Variants in ARHGEF28 observed in about 807,000 individuals in gnomAD.
ARHGEF28 encodes the protein 190 kDa guanine nucleotide exchange factor.
A neutral mutation model predicts 206.6 loss-of-function variants in ARHGEF28; 152 were observed. That is an observed-to-expected ratio of 0.74 (90% confidence interval 0.64 to 0.84). The LOEUF (loss-of-function observed/expected upper bound fraction) is 0.84. Among genes scored for constraint, ARHGEF28 ranks in the 40% least tolerant of loss-of-function variants. The pLI is 0.00. For synonymous variants in ARHGEF28, 763 were observed against 776.4 expected (o/e 0.98, Z 0.29); for missense variants, 2,028 against 2,073.2 (o/e 0.98, Z 0.42).
At chr5:73,893,702 T>C (rs766559870) in intron 28 of ARHGEF28, among the ~76,000 whole-genome samples, 1 of 152,146 alleles carries the variant, frequency 6.6e-6, no homozygotes, top group Admixed American at 6.5e-5. Flanking sequence ...TCTACTCTGG[T>C]TGGACACTGG....
chr5:73,896,920 C>T (rs937836133), intron 29 of ARHGEF28, among the ~76,000 whole-genome samples: 8 of 152,224 alleles, frequency 5.3e-5, no homozygotes, highest in African/African-American at 1.2e-4. Context: ...CTGCGTGAGC[C>T]GCAGTTGGAT....
chr5:73,678,730 A>G (rs1746864389), intron 1 of ARHGEF28, among the ~76,000 whole-genome samples: 1 of 152,198 alleles, frequency 6.6e-6, no homozygotes, highest in Admixed American at 6.5e-5. Flanking sequence ...AAATACTTAT[A>G]GCTTGACAAC....
At chr5:73,719,405 C>T (rs1226300092) in intron 2 of ARHGEF28, among the ~76,000 whole-genome samples, 2 of 135,526 alleles carry the variant, frequency 1.5e-5, no homozygotes, top group African/African-American at 6.2e-5. Flanking sequence ...AGGGAGACTC[C>T]GTCTCAGAAA....
intron 7 of ARHGEF28, among the ~76,000 whole-genome samples, chr5:73,784,319 T>C (rs1754023713): frequency 6.6e-6 from 1 of 152,204 alleles, no homozygotes; most frequent in African/African-American, 2.4e-5. Context: ...TTGCTGTCTC[T>C]GTGAGTGTGA....
chr5:73,787,613 G>A (rs1754240905), intron 7 of ARHGEF28, among the ~76,000 whole-genome samples: 1 of 152,146 alleles, frequency 6.6e-6, no homozygotes, highest in Admixed American at 6.6e-5. Flanking sequence ...CCACTTACGA[G>A]TGAGAACTTG....
intron 7 of ARHGEF28, among the ~76,000 whole-genome samples, chr5:73,793,538 A>G (rs1754610764): frequency 6.6e-6 from 1 of 152,210 alleles, no homozygotes; most frequent in Admixed American, 6.5e-5. Context: ...ATTAGCATAA[A>G]GCAGGGCTGT....
chr5:73,801,460 A>AATAAAAAAT (rs1755131312), intron 9 of ARHGEF28, among the ~76,000 whole-genome samples: 1 of 152,050 alleles, frequency 6.6e-6, no homozygotes, highest in Admixed American at 6.6e-5. Context: ...AAATAAAAAA[A>AATAAAAAAT]ATAAAAAAAT....
intron 2 of ARHGEF28, among the ~76,000 whole-genome samples, chr5:73,737,522 C>CTTTTCTTTTCTTTTGTTTTT (rs1580546282): frequency 8.3e-6 from 1 of 120,768 alleles, no homozygotes; most frequent in Non-Finnish European, 1.7e-5. Flanking sequence ...CTTTTCTTTT[C>CTTTTCTTTTCTTTTGTTTTT]TTTTTTGTGA....
chr5:73,807,151 A>G (rs1755561919), intron 9 of ARHGEF28, among the ~76,000 whole-genome samples: 1 of 150,412 alleles, frequency 6.6e-6, no homozygotes, highest in African/African-American at 2.4e-5. Flanking sequence ...TCCTTAGGCT[A>G]TACCAGGAAC....
chr5:73,921,472 ATAAG>A (rs1554031108), intron 35 of ARHGEF28, among the ~76,000 whole-genome samples: 1 of 151,590 alleles, frequency 6.6e-6, no homozygotes, highest in Non-Finnish European at 1.5e-5. Context: ...CTCTTTCTGG[ATAAG>A]ATATTAATTC....
At chr5:73,688,666 G>A (rs1297934526) in intron 2 of ARHGEF28, among the ~76,000 whole-genome samples, 1 of 151,980 alleles carries the variant, frequency 6.6e-6, no homozygotes, top group Non-Finnish European at 1.5e-5. Flanking sequence ...ATTCTGGAAG[G>A]CTTTTTTTTG....
chr5:73,772,812 C>T (rs1753301773), intron 4 of ARHGEF28, among the ~76,000 whole-genome samples: 1 of 152,144 alleles, frequency 6.6e-6, no homozygotes, highest in Non-Finnish European at 1.5e-5. Flanking sequence ...TTATTGGTTT[C>T]TACTGAACAG....
At chr5:73,717,053 C>G (rs1160687082) in intron 2 of ARHGEF28, among the ~76,000 whole-genome samples, 1 of 152,018 alleles carries the variant, frequency 6.6e-6, no homozygotes, top group Non-Finnish European at 1.5e-5. Context: ...TAGACAATTT[C>G]TTGAGACAGA....
intron 4 of ARHGEF28, among the ~76,000 whole-genome samples, chr5:73,767,592 G>A (rs1752967727): frequency 6.6e-6 from 1 of 152,098 alleles, no homozygotes. Context: ...AGGGCATCTG[G>A]CGGAAGAAAT....
chr5:73,939,900 A>T (rs1742491317), intron 35 of ARHGEF28, among the ~76,000 whole-genome samples: 1 of 151,596 alleles, frequency 6.6e-6, no homozygotes. Context: ...ATTTTTTTTT[A>T]ATTTTAATTT....
intron 9 of ARHGEF28, among the ~76,000 whole-genome samples, chr5:73,828,785 T>C (rs528418926): frequency 6.6e-6 from 1 of 151,874 alleles, no homozygotes; most frequent in Non-Finnish European, 1.5e-5. Context: ...CTTTCCTTCC[T>C]TTCCTTTCTT....
chr5:73,727,083 T>A (rs1476400638), intron 2 of ARHGEF28, among the ~76,000 whole-genome samples: 1 of 152,236 alleles, frequency 6.6e-6, no homozygotes, highest in African/African-American at 2.4e-5. Context: ...TTTTCTTCAT[T>A]ACCTGTCCTC....
rs1742617910 is a variant in ARHGEF28 at position 73,941,506 on chromosome 5, T to C, written c.*493T>C. On this transcript the variant is annotated 3_prime_UTR_variant, in exon 36 of 36. Transcript: ENST00000513042. Reference sequence around the variant, plus strand: ...GTGTGCTCATTTCTTCTGGGAGCATTAAAAGTGGTGATCTGTTACAGTCAC... The same window carrying C: ...GTGTGCTCATTTCTTCTGGGAGCATCAAAAGTGGTGATCTGTTACAGTCAC... 6.5e-6 allele frequency: 1 copy of C among 153,326 alleles called. No individual in the cohort carries two copies. The highest frequency in any genetic ancestry group is 2.4e-5 in the African/African-American group (1 of 41,436). The allele number at this position is 153,326 out of a possible 1,614,324, so 9.5% of individuals were successfully genotyped here.
intron 1 of ARHGEF28, among the ~76,000 whole-genome samples, chr5:73,661,909 A>G (rs1745620101): frequency 6.6e-6 from 1 of 152,236 alleles, no homozygotes. Flanking sequence ...CAGAGACACG[A>G]AGCGAGCACA....
Sources: allele counts gnomAD v4.1 joint callset (sites outside exome capture counted in the v4.1 genomes callset), GRCh38; gene constraint gnomAD v4.1.1; transcripts MANE v1.5; gene names NCBI Gene and HGNC (gene_info 2026-07-23, HGNC 2026-07-21).